The following WWOX variants were observed in gnomAD, a reference collection of about 807,000 sequenced individuals.
WWOX encodes WW domain-containing oxidoreductase.
A neutral mutation model predicts 46.2 loss-of-function variants in WWOX; 69 were observed. The ratio of observed to expected loss-of-function variants is 1.49; its 90% CI spans 1.23 to 1.82. The LOEUF (loss-of-function observed/expected upper bound fraction) is 1.82. WWOX is among the 40% of genes most tolerant of loss of function. The pLI, the probability that WWOX is intolerant of heterozygous loss-of-function variation, is 0.00. For synonymous variants in WWOX, 359 were observed against 202.6 expected (o/e 1.77, Z -6.56); for missense variants, 919 against 542.6 (o/e 1.69, Z -6.89).
At chr16:78,729,659 TG>T (rs2142378677) in intron 8 of WWOX, among the ~76,000 whole-genome samples, 1 of 152,280 alleles carries the variant, frequency 6.6e-6, no homozygotes, top group African/African-American at 2.4e-5. Context: ...TTGGGACTTC[TG>T]GCTTCCGGAA....
chr16:79,150,760 G>T (rs540586102), intron 8 of WWOX, among the ~76,000 whole-genome samples: 3 of 152,126 alleles, frequency 2.0e-5, no homozygotes, highest in South Asian at 2.1e-4. Context: ...TACCCCTTTG[G>T]CCTCCTGGGT....
chr16:79,121,292 A>T (rs1170190781), intron 8 of WWOX, among the ~76,000 whole-genome samples: 1 of 152,198 alleles, frequency 6.6e-6, no homozygotes, highest in Non-Finnish European at 1.5e-5. Context: ...ACATGAGTAC[A>T]GCATTTGTGA....
intron 8 of WWOX, among the ~76,000 whole-genome samples, chr16:78,788,868 G>C (rs1475703037): frequency 6.6e-6 from 1 of 152,224 alleles, no homozygotes; most frequent in African/African-American, 2.4e-5. Flanking sequence ...CACGTAGACA[G>C]TGTCAGGATT....
chr16:78,370,438 G>C (rs913687847), intron 5 of WWOX, among the ~76,000 whole-genome samples: 2 of 151,978 alleles, frequency 1.3e-5, no homozygotes, highest in East Asian at 1.9e-4. Context: ...CGTTTACATT[G>C]GGAAAGGGAA....
intron 6 of WWOX, among the ~76,000 whole-genome samples, chr16:78,405,418 C>A (rs936261421): frequency 3.3e-5 from 5 of 152,256 alleles, no homozygotes; most frequent in East Asian, 1.9e-4. Context: ...GTCAAATTGT[C>A]GACATGTGAC....
At chr16:78,406,520 T>G (rs1168766685) in intron 6 of WWOX, among the ~76,000 whole-genome samples, 6 of 149,598 alleles carry the variant, frequency 4.0e-5, no homozygotes, top group African/African-American at 1.5e-4. Flanking sequence ...ACCCAGCTAA[T>G]TTTTTGTATT....
intron 8 of WWOX, among the ~76,000 whole-genome samples, chr16:78,838,581 C>T (rs754668097): frequency 9.9e-5 from 15 of 152,162 alleles, no homozygotes; most frequent in African/African-American, 1.9e-4. Context: ...GTGGCTCACT[C>T]CTGTAATCCC....
intron 8 of WWOX, among the ~76,000 whole-genome samples, chr16:78,588,404 A>G (rs1362308364): frequency 6.6e-6 from 1 of 151,984 alleles, no homozygotes; most frequent in Non-Finnish European, 1.5e-5. Flanking sequence ...GGATGGGGCT[A>G]CTCTGTACTC....
At chr16:78,596,031 G>C (rs1399357798) in intron 8 of WWOX, among the ~76,000 whole-genome samples, 2 of 152,186 alleles carry the variant, frequency 1.3e-5, no homozygotes, top group African/African-American at 4.8e-5. Context: ...GTAGGAAGAT[G>C]AGAAGTTTTT....
At chr16:78,834,145 C>T (rs1244558841) in intron 8 of WWOX, among the ~76,000 whole-genome samples, 1 of 152,174 alleles carries the variant, frequency 6.6e-6, no homozygotes, top group Admixed American at 6.5e-5. Context: ...ATGCTGTGGC[C>T]TGAATAACAA....
chr16:78,867,210 G>C (rs955333162), intron 8 of WWOX, among the ~76,000 whole-genome samples: 5 of 152,212 alleles, frequency 3.3e-5, no homozygotes, highest in Non-Finnish European at 7.3e-5. Flanking sequence ...ACACTGGTGA[G>C]TGGGGGAGTG....
chr16:78,732,109 C>A (rs374368050), intron 8 of WWOX, among the ~76,000 whole-genome samples: 3 of 152,092 alleles, frequency 2.0e-5, no homozygotes, highest in African/African-American at 7.2e-5. Context: ...AATGATCCTC[C>A]TGCCGTGGTC....
chr16:78,721,075 C>G (rs953990487), intron 8 of WWOX, among the ~76,000 whole-genome samples: 1 of 152,100 alleles, frequency 6.6e-6, no homozygotes, highest in African/African-American at 2.4e-5. Flanking sequence ...TTGGTGATCA[C>G]TTGTAGATAT....
chr16:78,846,824 C>G (rs954796284), intron 8 of WWOX, among the ~76,000 whole-genome samples: 3 of 152,142 alleles, frequency 2.0e-5, no homozygotes, highest in Admixed American at 6.5e-5. Flanking sequence ...ATTCTCATGA[C>G]TGATATTGTC....
chr16:78,689,151 T>A (rs564924579), intron 8 of WWOX, among the ~76,000 whole-genome samples: 4 of 152,242 alleles, frequency 2.6e-5, no homozygotes, highest in African/African-American at 9.6e-5. Flanking sequence ...CACACAGGAC[T>A]CCCACCCTCT....
At chr16:78,135,684 G>GA (rs142640446) in intron 4 of WWOX, among the ~76,000 whole-genome samples, 3,421 of 145,270 alleles carry the variant, frequency 0.024, 122 homozygotes, top group African/African-American at 0.079. Context: ...CAGTATTACT[G>GA]AAAAAAAAAC....
At chr16:78,951,862 T>G (rs1254058331) in intron 8 of WWOX, among the ~76,000 whole-genome samples, 1 of 152,180 alleles carries the variant, frequency 6.6e-6, no homozygotes, top group Non-Finnish European at 1.5e-5. Context: ...CAAAGGCAGA[T>G]AGCAACACTC....
At chr16:78,499,286 G>C (rs1415948644) in intron 8 of WWOX, among the ~76,000 whole-genome samples, 3 of 152,194 alleles carry the variant, frequency 2.0e-5, no homozygotes, top group African/African-American at 7.2e-5. Flanking sequence ...TCTTATGTGT[G>C]TGGCCTTGCT....
chr16:79,079,388 G>A (rs949660531), intron 8 of WWOX, among the ~76,000 whole-genome samples: 1 of 152,020 alleles, frequency 6.6e-6, no homozygotes, highest in African/African-American at 2.4e-5. Context: ...CATCCAGCCA[G>A]CCAGCCATCA....
Sources: gnomAD v4.1 joint callset for allele counts (sites outside exome capture counted in the v4.1 genomes callset) on GRCh38, gnomAD v4.1.1 for gene constraint, MANE v1.5 for transcripts, NCBI Gene and HGNC (gene_info 2026-07-23, HGNC 2026-07-21) for gene names.